The following A2ML1 variants were observed in gnomAD, a reference collection of about 807,000 sequenced individuals.
A2ML1 encodes alpha-2-macroglobulin like 1.
In A2ML1, 161 loss-of-function variants were observed where a neutral mutation model predicts 181.9. That is an observed-to-expected ratio of 0.89 (90% CI 0.78 to 1.01). The LOEUF (loss-of-function observed/expected upper bound fraction) is 1.01. Among genes scored for constraint, A2ML1 ranks in the 50% least tolerant of loss-of-function variants. The pLI, the probability that A2ML1 is intolerant of heterozygous loss-of-function variation, is 0.00. For synonymous variants in A2ML1, 663 were observed against 666.8 expected (o/e 0.99, Z 0.09); for missense variants, 1,670 against 1,768.1 (o/e 0.94, Z 1.00).
chr12:8,870,019 T>G (rs1341802695), intron 33 of A2ML1, among the ~76,000 whole-genome samples: 2 of 152,146 alleles, frequency 1.3e-5, no homozygotes, highest in Non-Finnish European at 2.9e-5. Context: ...AAACAAGAAG[T>G]TCTCAAGGAC....
At position 8,867,973 on chromosome 12, in the gene A2ML1, A is replaced by G. The variant is rs751569588; in HGVS notation, c.3849A>G (p.Arg1283=). The change falls in exon 30 of 36, where the codon AGA becomes AGG. Residue 1283 remains arginine (R), a synonymous_variant. Transcript: ENST00000299698. ...QRTFNIQSVN[R]LVFQQDTLPN... is the part of the protein sequence containing the mutation. ...CATTCAACATACAGTCAGTTAACAG[A>G]TTGGTATTTCAGCAGGATACCCTGC... The G allele has an allele frequency of 3.1e-6, 5 of 1,614,208 alleles. No homozygotes were observed. The African/African-American group carries it at 6.7e-5, about 22-fold the overall frequency.
In A2ML1 at chr12:8,849,121, T is replaced by C. The variant is rs7978604; in HGVS notation, c.2028+207T>C. 0.2 allele frequency among the ~76,000 whole-genome samples: 31,000 copies of C among 152,100 alleles called. 3,985 individuals carry two copies. The highest frequency in any genetic ancestry group is 0.35 in the African/African-American group (14,358 of 41,468). ...CCTAGTCTTCCTCTTTTTGTTGTCCTCAAACACTGATTTCCATGAGATCAA... is the reference window on the plus strand; with the variant it reads ...CCTAGTCTTCCTCTTTTTGTTGTCCCCAAACACTGATTTCCATGAGATCAA... On this transcript the variant is annotated intron_variant, in intron 16 of 35. Coordinates refer to ENST00000299698, the MANE Select transcript of A2ML1 (RefSeq NM_144670.6).
At chr12:8,865,772 A>C (rs1331617466) in intron 29 of A2ML1, among the ~76,000 whole-genome samples, 1 of 152,238 alleles carries the variant, frequency 6.6e-6, no homozygotes, top group Admixed American at 6.5e-5. Context: ...TCAAATCATA[A>C]AAAATTATTT....
chr12:8,881,733 T>A (rs972018144), downstream of A2ML1, among the ~76,000 whole-genome samples: 1 of 152,076 alleles, frequency 6.6e-6, no homozygotes, highest in Non-Finnish European at 1.5e-5. Context: ...TTTGAGTGGC[T>A]GGGTGTGGTG....
chr12:8,828,645 T>C (rs898083484), intron 3 of A2ML1, among the ~76,000 whole-genome samples: 18 of 152,112 alleles, frequency 1.2e-4, no homozygotes, highest in Admixed American at 6.6e-5. Flanking sequence ...CCCTTGACTC[T>C]TCCCTCTCCT....
Position 8,852,085 on chromosome 12 carries a change from T to G in A2ML1, c.2463+73T>G. 1.3e-6 allele frequency: 2 copies of G among 1,590,456 alleles called. No homozygotes were observed. Among genetic ancestry groups the G allele is most frequent in the East Asian group, 4.5e-5 (2 of 44,658 alleles). On this transcript the variant is annotated intron_variant, in intron 19 of 35. Coordinates refer to ENST00000299698, the MANE Select transcript of A2ML1 (RefSeq NM_144670.6). The surrounding 1 kb of genome is among the most constrained non-coding windows in gnomAD (Gnocchi z 4.2). ...CTCCCCCATAAGTTTGTCTCTAAAT[T>G]GGAAGCATCCCAATTTTCCCTGGGA... is the stretch of plus-strand genomic sequence containing the variant.
intron 7 of A2ML1, among the ~76,000 whole-genome samples, chr12:8,882,471 A>G (rs993655091): frequency 2.0e-5 from 3 of 152,224 alleles, no homozygotes; most frequent in South Asian, 4.1e-4. Flanking sequence ...AGAACTTTCT[A>G]TCCTTCTTCC....
At position 8,838,426 on chromosome 12, in the gene A2ML1, G is replaced by C; in HGVS notation, c.946G>C (p.Ala316Pro). Residue 316 changes from alanine to proline, a missense_variant, in exon 9 of 36, where the codon GCT (alanine) becomes CCT (proline). Physicochemically the swap from Ala to Pro is conservative, Grantham distance 27. Coordinates refer to ENST00000299698, the MANE Select transcript of A2ML1 (RefSeq NM_144670.6). Reference sequence around the variant, plus strand: ...GTACAGCCATCAAATCAATATTGTGGCTACTGTTGTGGAGGAAGGGACAGG... The same window carrying C: ...GTACAGCCATCAAATCAATATTGTGCCTACTGTTGTGGAGGAAGGGACAGG... ...YAYSHQINIVATVVEEGTGVE... is the reference protein window; with the variant it reads ...YAYSHQINIVPTVVEEGTGVE... 6.2e-7 allele frequency: 1 copy of C among 1,613,728 alleles called. No homozygotes were observed. Among genetic ancestry groups the C allele is most frequent in the Non-Finnish European group, 8.5e-7 (1 of 1,179,834 alleles).
intron 10 of A2ML1, among the ~76,000 whole-genome samples, chr12:8,840,647 T>C (rs1943435585): frequency 6.6e-6 from 1 of 151,940 alleles, no homozygotes; most frequent in Non-Finnish European, 1.5e-5. Flanking sequence ...CAATGGCTCA[T>C]GCCTGTAATC....
Position 8,848,826 on chromosome 12 carries a change from ACCCAATGC to A in A2ML1, c.1946_1953del (p.Met649ArgfsTer16), listed in dbSNP as rs768435335. ...TGGGACTTTCCTCAGCCCCTCATTG[ACCCAATGC>A]CCCAAGGGCATTCGAGCCAGCGTTC... On this transcript the variant is annotated frameshift_variant, in exon 16 of 36. Coordinates refer to ENST00000299698, the MANE Select transcript of A2ML1 (RefSeq NM_144670.6). LOFTEE classifies it high-confidence loss of function. 2 of 1,613,956 alleles carry A rather than the reference ACCCAATGC, an allele frequency of 1.2e-6. No homozygotes were observed. Among genetic ancestry groups the A allele is most frequent in the Admixed American group, 3.3e-5 (2 of 59,994 alleles).
At chr12:8,840,753 C>T (rs1943439476) in intron 10 of A2ML1, among the ~76,000 whole-genome samples, 1 of 151,788 alleles carries the variant, frequency 6.6e-6, no homozygotes, top group Non-Finnish European at 1.5e-5. Context: ...GCTAAAAATA[C>T]AAAAATTAGC....
At chr12:8,824,606 C>A (rs765677861) in intron 3 of A2ML1, among the ~76,000 whole-genome samples, 3 of 152,062 alleles carry the variant, frequency 2.0e-5, no homozygotes, top group Non-Finnish European at 1.5e-5. Flanking sequence ...TTCATTCTAG[C>A]TAAATATATT....
intron 4 of A2ML1, among the ~76,000 whole-genome samples, chr12:8,830,061 G>GTTTA (rs1418441831): frequency 5.3e-5 from 8 of 152,198 alleles, no homozygotes; most frequent in African/African-American, 1.9e-4. Flanking sequence ...TTATTTATTT[G>GTTTA]TTTATTTAGA....
At chr12:8,838,497 G>A (rs1291861536) in intron 9 of A2ML1, 47 bp downstream of exon 9, 2 of 1,489,554 alleles carry the variant, frequency 1.3e-6, no homozygotes, top group Middle Eastern at 1.7e-4. Context: ...AAAGAAAAAG[G>A]GCTGGTCCCA....
chr12:8,877,496 A>T (rs908776293), downstream of A2ML1, among the ~76,000 whole-genome samples: 1 of 152,346 alleles, frequency 6.6e-6, no homozygotes, highest in African/African-American at 2.4e-5. Flanking sequence ...ACAAGAAAAA[A>T]ACAAATAATC....
chr12:8,882,642 T>C (rs1944882228), intron 7 of A2ML1, among the ~76,000 whole-genome samples: 1 of 152,130 alleles, frequency 6.6e-6, no homozygotes, highest in South Asian at 2.1e-4. Flanking sequence ...ACCCTTAGAA[T>C]TGTGTCAGGT....
intron 11 of A2ML1, among the ~76,000 whole-genome samples, chr12:8,841,762 A>G (rs141569651): frequency 2.6e-5 from 4 of 152,276 alleles, no homozygotes; most frequent in African/African-American, 4.8e-5. Context: ...CTACTAATAC[A>G]TCTTTTAACT....
rs767871503 is a variant in A2ML1, at chr12:8,874,507, T to C, written c.4304T>C (p.Val1435Ala). The change falls in exon 34 of 36, where the codon GTC becomes GCC. Residue 1435 changes from valine to alanine, a missense_variant. Physicochemically the swap from Val to Ala is moderately conservative, Grantham distance 64 (BLOSUM62 0). Coordinates refer to ENST00000299698, the MANE Select transcript of A2ML1 (RefSeq NM_144670.6). ...AACTTGAAACCAGCAACCATCAAGG[T>C]CTATGACTACTACCTACCAGGTGAG... The part of the protein sequence containing the change: ...VTNLKPATIK[V>A]YDYYLPDEQA... 2.5e-6 allele frequency: 4 copies of C among 1,613,842 alleles called. No homozygotes were observed. Among genetic ancestry groups the C allele is most frequent in the East Asian group, 2.2e-5 (1 of 44,880 alleles).
intron 21 of A2ML1, 40 bp downstream of exon 21, chr12:8,854,289 G>C: frequency 6.4e-7 from 1 of 1,551,558 alleles, no homozygotes; most frequent in Non-Finnish European, 8.7e-7. Context: ...ACCAACCGAG[G>C]GATGCTCAGC....
Sources: gnomAD v4.1 joint callset for allele counts (sites outside exome capture counted in the v4.1 genomes callset) on GRCh38, gnomAD v4.1.1 for gene constraint, Gnocchi (gnomAD v3.1) non-coding constraint, MANE v1.5 for transcripts, NCBI Gene and HGNC (gene_info 2026-07-23, HGNC 2026-07-21) for gene names.